The following ZDHHC3 variants were observed in gnomAD, a reference collection of about 807,000 sequenced individuals.
ZDHHC3 encodes the protein zDHHC palmitoyltransferase 3.
In ZDHHC3, 9 loss-of-function variants were observed where a neutral mutation model predicts 30.6. The ratio of observed to expected loss-of-function variants is 0.29; its 90% CI spans 0.18 to 0.51. The LOEUF (loss-of-function observed/expected upper bound fraction) is 0.51. ZDHHC3 is among the 20% of genes least tolerant of loss of function. The pLI is 0.97. For synonymous variants in ZDHHC3, 136 were observed against 140.2 expected (o/e 0.97, Z 0.21); for missense variants, 246 against 384.2 (o/e 0.64, Z 3.01).
Position 44,923,276 on chromosome 3 carries a change from C to T in ZDHHC3, c.*3413G>A, listed in dbSNP as rs1436210776. The T allele has an allele frequency of 2.2e-6, 2 of 921,418 alleles. No individual in the cohort carries two copies. The highest frequency in any genetic ancestry group is 1.8e-5 in the African/African-American group (1 of 55,858). The allele number at this position is 921,418 out of a possible 1,614,324, so 57.1% of individuals were successfully genotyped here. On this transcript the variant is annotated 3_prime_UTR_variant, in exon 7 of 7. Transcript: ENST00000424952. ...TATTTTTAGTAGAGACAGGGTTTCACCGTGTTAGCCAGGATGATCTCGATC... is the reference window on the plus strand; with the variant it reads ...TATTTTTAGTAGAGACAGGGTTTCATCGTGTTAGCCAGGATGATCTCGATC...
In ZDHHC3 at chr3:44,921,239, GTC is replaced by G; in HGVS notation, c.*5448_*5449del. The stretch of plus-strand genomic sequence containing the variant: ...GACTAAGGCTCCCGAGGAAGGAAGA[GTC>G]TGTGCAGAACAGACTCAGCTGAGCC... On this transcript the variant is annotated 3_prime_UTR_variant, in exon 7 of 7. Coordinates refer to ENST00000424952, the MANE Select transcript of ZDHHC3 (RefSeq NM_001135179.2). 2 of 985,310 alleles carry G rather than the reference GTC, an allele frequency of 2.0e-6. No homozygotes were observed. The highest frequency in any genetic ancestry group is 2.4e-6 in the Non-Finnish European group (2 of 829,930). 61.0% of individuals were successfully genotyped at this position (985,310 alleles called of 1,614,324 possible).
rs1264792966 is a variant in ZDHHC3 at position 44,918,062 on chromosome 3, C to A, written c.*8627G>T. 2.3e-6 allele frequency: 3 copies of A among 1,305,406 alleles called. No individual in the cohort carries two copies. In the Admixed American group the frequency reaches 6.9e-5, roughly 30 times the overall value. The allele number at this position is 1,305,406 out of a possible 1,614,324, so 80.9% of individuals were successfully genotyped here. On this transcript the variant is annotated 3_prime_UTR_variant, in exon 7 of 7. Coordinates refer to ENST00000424952, the MANE Select transcript of ZDHHC3 (RefSeq NM_001135179.2). ...GGGTTGAACCAGTTCAGGGAGAAGT[C>A]CCCACCAAAGGTCTCCTTTACTGAC...
chr3:44,933,833 A>T, intron 4 of ZDHHC3, 55 bp downstream of exon 4: 2 of 1,501,418 alleles, frequency 1.3e-6, no homozygotes, highest in Non-Finnish European at 1.9e-6. Context: ...TTTCAAAGGA[A>T]CAAAGTGCTC....
At chr3:44,938,287 C>T (rs1209545326) in intron 3 of ZDHHC3, 15 of 172,032 alleles carry the variant, frequency 8.7e-5, no homozygotes, top group African/African-American at 2.9e-4. Context: ...TGTGCCCAGC[C>T]GGAAATACCA....
Position 44,926,244 on chromosome 3 carries a change from G to A in ZDHHC3, c.*445C>T. 1.0e-6 allele frequency: 1 copy of A among 986,930 alleles called. No individual in the cohort carries two copies. The highest frequency in any genetic ancestry group is 1.7e-5 in the African/African-American group (1 of 57,444). 61.1% of individuals were successfully genotyped at this position (986,930 alleles called of 1,614,324 possible). ...TTCGGTGAGGTTTTATGTCCCATCGGGGAGCCCGCCACTGCCTCCTGGGCA... is the reference window on the plus strand; with the variant it reads ...TTCGGTGAGGTTTTATGTCCCATCGAGGAGCCCGCCACTGCCTCCTGGGCA... On this transcript the variant is annotated 3_prime_UTR_variant, in exon 7 of 7. Transcript: ENST00000424952.
rs1441201781 is a variant in ZDHHC3, at chr3:44,933,972, C to G, written c.444G>C (p.Arg148=). 1 of 1,614,058 alleles carries G rather than the reference C, an allele frequency of 6.2e-7. No homozygotes were observed. The highest frequency in any genetic ancestry group is 1.3e-5 in the African/African-American group (1 of 74,920). The change falls in exon 4 of 7, where the codon CGG becomes CGC. Residue 148 remains arginine, a synonymous_variant. Transcript: ENST00000424952. ...AGTGGTGGTCCATCTTCCGAATGCA[C>G]CGCTTACAAACACTGAAACAGCCCA... ...DRAHHCSVCK[R]CIRKMDHHCP... is the part of the protein sequence containing the mutation.
intron 3 of ZDHHC3, among the ~76,000 whole-genome samples, chr3:44,943,604 C>T (rs1315261144): frequency 6.6e-6 from 1 of 152,202 alleles, no homozygotes; most frequent in Non-Finnish European, 1.5e-5. Flanking sequence ...GGAAGATGTC[C>T]AACACCTGGA....
At chr3:44,952,143 A>G (rs1703513639) in intron 2 of ZDHHC3, among the ~76,000 whole-genome samples, 1 of 151,986 alleles carries the variant, frequency 6.6e-6, no homozygotes, top group African/African-American at 2.4e-5. Context: ...TTTCTCCCCA[A>G]ACTGTTCCCT....
intron 5 of ZDHHC3, 75 bp from the exon 6 acceptor site, chr3:44,929,511 C>A: frequency 1.3e-6 from 2 of 1,574,926 alleles, no homozygotes; most frequent in South Asian, 1.2e-5. Flanking sequence ...CCCCACTAGG[C>A]GCCCACTCTG....
In ZDHHC3 at chr3:44,915,337, T is replaced by C. The variant is rs1372678647; in HGVS notation, c.*11352A>G. ...ATCTCTCTCCCTGTAAGATCTCATCTGGTTTTGACATCAGTTGCAATGCTT... is the reference window on the plus strand; with the variant it reads ...ATCTCTCTCCCTGTAAGATCTCATCCGGTTTTGACATCAGTTGCAATGCTT... On this transcript the variant is annotated 3_prime_UTR_variant, in exon 7 of 7. Transcript: ENST00000424952. The C allele has an allele frequency of 6.6e-6, 1 of 152,256 alleles. No homozygotes were observed. Among genetic ancestry groups the C allele is most frequent in the Non-Finnish European group, 1.5e-5 (1 of 68,058 alleles). 9.4% of individuals were successfully genotyped at this position (152,256 alleles called of 1,614,324 possible).
intron 1 of ZDHHC3, among the ~76,000 whole-genome samples, chr3:44,962,637 T>C (rs1704585745): frequency 6.6e-6 from 1 of 152,292 alleles, no homozygotes; most frequent in East Asian, 1.9e-4. Context: ...ACCAGGAACA[T>C]CACCTACTGG....
chr3:44,920,973 G>A lies in ZDHHC3; in HGVS notation c.*5716C>T, dbSNP rs1700549968. ...GGTAGGACTCAATTTTGAGTTTTGT[G>A]TGGATTTAAAGGGATCCTGCAGGCA... On this transcript the variant is annotated 3_prime_UTR_variant, in exon 7 of 7. Transcript: ENST00000424952. 1.0e-6 allele frequency: 1 copy of A among 985,346 alleles called. No individual in the cohort carries two copies. Among genetic ancestry groups the A allele is most frequent in the Non-Finnish European group, 1.2e-6 (1 of 829,936 alleles). The allele number at this position is 985,346 out of a possible 1,614,324, so 61.0% of individuals were successfully genotyped here. A position where few individuals can be genotyped will look rare whatever the true frequency, so the allele number is the denominator to read the frequency against.
In ZDHHC3 at chr3:44,923,730, G is replaced by C; in HGVS notation, c.*2959C>G. 1 of 882,480 alleles carries C rather than the reference G, an allele frequency of 1.1e-6. No individual in the cohort carries two copies. Among genetic ancestry groups the C allele is most frequent in the South Asian group, 5.2e-5 (1 of 19,102 alleles). 54.7% of individuals were successfully genotyped at this position (882,480 alleles called of 1,614,324 possible). On this transcript the variant is annotated 3_prime_UTR_variant, in exon 7 of 7. Coordinates refer to ENST00000424952, the MANE Select transcript of ZDHHC3 (RefSeq NM_001135179.2). ...AGGCACAAGAATCACTTGAGCCCAG[G>C]AGTTCAAGGCTGCAGTGAGCTCTAA... is the stretch of plus-strand genomic sequence containing the variant.
Position 44,921,911 on chromosome 3 carries a change from G to C in ZDHHC3, c.*4778C>G, listed in dbSNP as rs756379332. On this transcript the variant is annotated 3_prime_UTR_variant, in exon 7 of 7. Transcript: ENST00000424952. ...TTAGAGCATGTGCGGCCCCTAGAAGGCTTTTAGCGAACGTCCCTCTGCAGC... is the reference window on the plus strand; with the variant it reads ...TTAGAGCATGTGCGGCCCCTAGAAGCCTTTTAGCGAACGTCCCTCTGCAGC... 3.0e-6 allele frequency: 3 copies of C among 985,410 alleles called. No homozygotes were observed. The highest frequency in any genetic ancestry group is 3.6e-6 in the Non-Finnish European group (3 of 829,934). The allele number at this position is 985,410 out of a possible 1,614,324, so 61.0% of individuals were successfully genotyped here. A position where few individuals can be genotyped will look rare whatever the true frequency, so the allele number is the denominator to read the frequency against.
chr3:44,923,651 A>G lies in ZDHHC3; in HGVS notation c.*3038T>C. On this transcript the variant is annotated 3_prime_UTR_variant, in exon 7 of 7. Coordinates refer to ENST00000424952, the MANE Select transcript of ZDHHC3 (RefSeq NM_001135179.2). Reference sequence around the variant, plus strand: ...ACCCTGACTCTATTAAAAAACAAAAAAATTAGCCAGGCATGGTAGTACGTG... The same window carrying G: ...ACCCTGACTCTATTAAAAAACAAAAGAATTAGCCAGGCATGGTAGTACGTG... 1 of 823,446 alleles carries G rather than the reference A, an allele frequency of 1.2e-6. No homozygotes were observed. Among genetic ancestry groups the G allele is most frequent in the Non-Finnish European group, 1.5e-6 (1 of 682,526 alleles). The allele number at this position is 823,446 out of a possible 1,614,324, so 51.0% of individuals were successfully genotyped here. A position where few individuals can be genotyped will look rare whatever the true frequency, so the allele number is the denominator to read the frequency against.
chr3:44,972,125 G>A (rs781213210), intron 1 of ZDHHC3, among the ~76,000 whole-genome samples: 3 of 152,202 alleles, frequency 2.0e-5, no homozygotes, highest in Non-Finnish European at 4.4e-5. Context: ...ACATGGCCAT[G>A]TCTGCTTAGG....
chr3:44,943,329 C>A (rs779944575), intron 3 of ZDHHC3, among the ~76,000 whole-genome samples: 5 of 152,180 alleles, frequency 3.3e-5, no homozygotes, highest in Non-Finnish European at 7.3e-5. Context: ...CCCCTTTGAA[C>A]CTTAATTTCT....
chr3:44,940,746 A>G (rs906096399), intron 3 of ZDHHC3, among the ~76,000 whole-genome samples: 1 of 152,020 alleles, frequency 6.6e-6, no homozygotes, highest in Non-Finnish European at 1.5e-5. Flanking sequence ...AGAATCCACC[A>G]AGCTCACTGG....
intron 3 of ZDHHC3, chr3:44,937,938 C>T: frequency 2.1e-6 from 1 of 479,918 alleles, no homozygotes; most frequent in Non-Finnish European, 4.2e-6. Flanking sequence ...CCTCAAGGAA[C>T]TGCCGTGAGA....
Sources: allele counts gnomAD v4.1 joint callset (sites outside exome capture counted in the v4.1 genomes callset), GRCh38; gene constraint gnomAD v4.1.1; transcripts MANE v1.5; gene names NCBI Gene and HGNC (gene_info 2026-07-23, HGNC 2026-07-21).